LHX2: variants seen among roughly 807,000 people sequenced by gnomAD.
LHX2 encodes LIM homeobox 2, also known as LIM/homeobox protein Lhx2.
Under a neutral mutation model 33.0 loss-of-function variants are expected in LHX2, and 6 were observed. The observed-to-expected ratio is 0.18, with a 90% CI of 0.10 to 0.36. The LOEUF is 0.36. Among genes scored for constraint, LHX2 ranks in the 10% least tolerant of loss-of-function variants. The pLI is 1.00. For missense variants in LHX2, 442 were observed against 586.2 expected (o/e 0.75, Z 2.54); for synonymous variants, 292 against 253.1 (o/e 1.15, Z -1.46).
chr9:124,013,511 C>A (rs562689451), intron 1 of LHX2, among the ~76,000 whole-genome samples: 1 of 152,348 alleles, frequency 6.6e-6, no homozygotes, highest in East Asian at 1.9e-4. Flanking sequence ...CCAGGAACTC[C>A]GCTGTCTCTC....
rs555771263 is a variant in LHX2, at chr9:124,014,292, C to G, written c.323+129C>G. 3.5e-5 allele frequency: 22 copies of G among 623,944 alleles called. No individual in the cohort carries two copies. Among genetic ancestry groups the G allele is most frequent in the African/African-American group, 1.8e-4 (10 of 54,576 alleles). The allele number at this position is 623,944 out of a possible 1,614,324, so 38.7% of individuals were successfully genotyped here. A position where few individuals can be genotyped will look rare whatever the true frequency, so the allele number is the denominator to read the frequency against. On this transcript the variant is annotated intron_variant, in intron 2 of 4. Coordinates refer to ENST00000373615, the MANE Select transcript of LHX2 (RefSeq NM_004789.4). The surrounding 1 kb of genome is among the most constrained non-coding windows in gnomAD (Gnocchi z 4.8). ...ACTACTCAGGACTCCCCCGCTCCCC[C>G]CCCAAGTTCTCCAAGCCACCACAAG... is the stretch of plus-strand genomic sequence containing the variant.
chr9:124,013,788 A>T (rs951089219), intron 1 of LHX2, among the ~76,000 whole-genome samples, 173 bp from the exon 2 acceptor site: 1 of 152,194 alleles, frequency 6.6e-6, no homozygotes, highest in African/African-American at 2.4e-5. Flanking sequence ...AACCGCCCAG[A>T]AATGGAAATG....
Position 124,013,985 on chromosome 9 carries a change from C to G in LHX2, c.145C>G (p.Arg49Gly), listed in dbSNP as rs533198310. 5.6e-6 allele frequency: 9 copies of G among 1,613,140 alleles called. No homozygotes were observed. Among genetic ancestry groups the G allele is most frequent in the African/African-American group, 2.7e-5 (2 of 75,066 alleles). The change falls in exon 2 of 5, where the codon CGC becomes GGC. Residue 49 changes from arginine to glycine, a missense_variant. Transcript: ENST00000373615. ...GACCATGCCGTCCATCAGCAGTGAC[C>G]GCGCCGCGCTGTGCGCCGGCTGCGG... is the stretch of plus-strand genomic sequence containing the variant. ...ETTMPSISSD[R>G]AALCAGCGGK...
Position 124,014,986 on chromosome 9 carries a change from C to A in LHX2, c.324-136C>A, listed in dbSNP as rs572172874. On this transcript the variant is annotated intron_variant, in intron 2 of 4. Transcript: ENST00000373615. This position sits in a 1 kb window ranked among gnomAD's most constrained non-coding sequence, Gnocchi z 4.8. ...GTCAAAATCTAGTTCTCTCTCCCCCCCATCCTCCAAATAAAGGCCGGGTTG... is the reference window on the plus strand; with the variant it reads ...GTCAAAATCTAGTTCTCTCTCCCCCACATCCTCCAAATAAAGGCCGGGTTG... The A allele has an allele frequency of 1.9e-4, 175 of 916,520 alleles. 3 individuals are homozygous for A. The South Asian group carries it at 2.7e-3, about 14-fold the overall frequency. 56.8% of individuals were successfully genotyped at this position (916,520 alleles called of 1,614,324 possible).
chr9:124,017,019 C>T (rs1859203048), intron 3 of LHX2, among the ~76,000 whole-genome samples: 2 of 152,152 alleles, frequency 1.3e-5, no homozygotes, highest in South Asian at 4.1e-4. Context: ...AGGTTCGGCG[C>T]CGGTTTTAGG....
At chr9:124,028,882 C>T (rs190788603) in intron 4 of LHX2, among the ~76,000 whole-genome samples, 1,643 of 152,180 alleles carry the variant, frequency 0.011, 33 homozygotes, top group African/African-American at 0.037. Flanking sequence ...CCAAGGTGGG[C>T]GGATCACCTG....
chr9:124,018,843 C>A (rs1471763637), intron 3 of LHX2, among the ~76,000 whole-genome samples: 2 of 152,112 alleles, frequency 1.3e-5, no homozygotes, highest in African/African-American at 2.4e-5. Flanking sequence ...TTGTCTTTTT[C>A]TCTCCTTTCT....
At chr9:124,023,415 G>T (rs758969018) in intron 4 of LHX2, among the ~76,000 whole-genome samples, 1 of 152,166 alleles carries the variant, frequency 6.6e-6, no homozygotes, top group Non-Finnish European at 1.5e-5. Flanking sequence ...CTATGGAGTG[G>T]GGTCAGGGGA....
At chr9:124,026,492 C>G (rs1452900045) in intron 4 of LHX2, among the ~76,000 whole-genome samples, 2 of 151,890 alleles carry the variant, frequency 1.3e-5, no homozygotes, top group African/African-American at 2.4e-5. Flanking sequence ...TGAACAAGAC[C>G]CCACTGGAAC....
At chr9:124,022,727 A>AT (rs1859313879) in intron 4 of LHX2, among the ~76,000 whole-genome samples, 1 of 152,250 alleles carries the variant, frequency 6.6e-6, no homozygotes, top group Non-Finnish European at 1.5e-5. Flanking sequence ...CAAACAAAAA[A>AT]ATGCCCTCTG....
rs41274366 is a variant in LHX2 at position 124,012,765 on chromosome 9, C to T, written c.120+297C>T. ...CCGGGGCGGCTCCCTTCTCACCTTG[C>T]CCGGTGCCGGGGTCGACAGCCCCGC... On this transcript the variant is annotated intron_variant, in intron 1 of 4. Coordinates refer to ENST00000373615, the MANE Select transcript of LHX2 (RefSeq NM_004789.4). The surrounding 1 kb of genome is among the most constrained non-coding windows in gnomAD (Gnocchi z 4.3). Among the ~76,000 whole-genome samples, 1 of 152,226 alleles carries T rather than the reference C, an allele frequency of 6.6e-6. No individual in the cohort carries two copies. The highest frequency in any genetic ancestry group is 1.5e-5 in the Non-Finnish European group (1 of 68,028).
At chr9:124,013,775 C>G (rs1041105488) in intron 1 of LHX2, among the ~76,000 whole-genome samples, 186 bp from the exon 2 acceptor site, 3 of 152,244 alleles carry the variant, frequency 2.0e-5, no homozygotes, top group Non-Finnish European at 4.4e-5. Flanking sequence ...GGCCTGGGTT[C>G]TGAACCGCCC....
At chr9:124,027,795 G>A (rs1445268070) in intron 4 of LHX2, among the ~76,000 whole-genome samples, 9 of 151,850 alleles carry the variant, frequency 5.9e-5, no homozygotes, top group African/African-American at 2.2e-4. Context: ...TCCAGCCTGG[G>A]CAACAGAGCG....
At chr9:124,024,959 G>C (rs1353403065) in intron 4 of LHX2, among the ~76,000 whole-genome samples, 1 of 152,200 alleles carries the variant, frequency 6.6e-6, no homozygotes, top group East Asian at 1.9e-4. Context: ...TACAGTGGGA[G>C]AGGAGGGAAG....
chr9:124,027,572 A>G (rs1304774610), intron 4 of LHX2, among the ~76,000 whole-genome samples: 1 of 152,052 alleles, frequency 6.6e-6, no homozygotes, highest in Non-Finnish European at 1.5e-5. Flanking sequence ...TAATCCCAGC[A>G]CTTTGGGAGG....
At chr9:124,027,163 C>T (rs1048635298) in intron 4 of LHX2, among the ~76,000 whole-genome samples, 3 of 152,076 alleles carry the variant, frequency 2.0e-5, no homozygotes, top group African/African-American at 7.2e-5. Flanking sequence ...CAGTTCAGTG[C>T]TTATTACTTT....
chr9:124,032,644 T>C lies in LHX2; in HGVS notation c.1158T>C (p.Pro386=), dbSNP rs1462700425. Reference sequence around the variant, plus strand: ...TGACGTCCGTCTTAACTTCTGTGCCTGGCAACCTGGAGGGCCATGAGCCTC... The same window carrying C: ...TGACGTCCGTCTTAACTTCTGTGCCCGGCAACCTGGAGGGCCATGAGCCTC... ...PTVTSVLTSV[P]GNLEGHEPHS... Residue 386 remains proline, a synonymous_variant, in exon 5 of 5, where the codon CCT becomes CCC. Transcript: ENST00000373615. This position sits in a 1 kb window ranked among gnomAD's most constrained non-coding sequence, Gnocchi z 4.1. 6.2e-7 allele frequency: 1 copy of C among 1,613,770 alleles called. No homozygotes were observed. Among genetic ancestry groups the C allele is most frequent in the East Asian group, 2.2e-5 (1 of 44,872 alleles).
chr9:124,015,016 T>C lies in LHX2; in HGVS notation c.324-106T>C. 7.5e-7 allele frequency: 1 copy of C among 1,340,136 alleles called. No individual in the cohort carries two copies. The highest frequency in any genetic ancestry group is 1.0e-6 in the Non-Finnish European group (1 of 970,866). 83.0% of individuals were successfully genotyped at this position (1,340,136 alleles called of 1,614,324 possible). A position where few individuals can be genotyped will look rare whatever the true frequency, so the allele number is the denominator to read the frequency against. The stretch of plus-strand genomic sequence containing the variant: ...CTCCAAATAAAGGCCGGGTTGTTCG[T>C]CTTGAGGAGGGGATTGCCCCCCGCA... On this transcript the variant is annotated intron_variant, in intron 2 of 4. Transcript: ENST00000373615. This position sits in a 1 kb window ranked among gnomAD's most constrained non-coding sequence, Gnocchi z 7.9.
intron 3 of LHX2, among the ~76,000 whole-genome samples, chr9:124,018,009 C>A (rs574594747): frequency 6.6e-6 from 1 of 151,834 alleles, no homozygotes; most frequent in East Asian, 1.9e-4. Context: ...CCCGCGCGGA[C>A]CGGCCGGACG....
Sources: gnomAD v4.1 joint callset for allele counts (sites outside exome capture counted in the v4.1 genomes callset) on GRCh38, gnomAD v4.1.1 for gene constraint, Gnocchi (gnomAD v3.1) non-coding constraint, MANE v1.5 for transcripts, NCBI Gene and HGNC (gene_info 2026-07-23, HGNC 2026-07-21) for gene names.